The following LTA4H variants were observed in gnomAD, a reference collection of about 807,000 sequenced individuals.
LTA4H encodes the protein leukotriene A4 hydrolase, also known as leukotriene A-4 hydrolase.
Under a neutral mutation model 89.8 loss-of-function variants are expected in LTA4H, and 59 were observed. The ratio of observed to expected loss-of-function variants is 0.66; its 90% CI spans 0.53 to 0.82. LTA4H has a LOEUF of 0.82. Among genes scored for constraint, LTA4H ranks in the 40% least tolerant of loss-of-function variants. The probability of loss-of-function intolerance (pLI) is 0.00; values close to 1 mark genes in which losing one functional copy is unlikely to be tolerated. For synonymous variants in LTA4H, 227 were observed against 253.1 expected (o/e 0.90, Z 0.98); for missense variants, 617 against 727.0 (o/e 0.85, Z 1.74).
At chr12:96,007,926 G>T (rs2136866756) in intron 15 of LTA4H, among the ~76,000 whole-genome samples, 1 of 152,292 alleles carries the variant, frequency 6.6e-6, no homozygotes, top group East Asian at 1.9e-4. Flanking sequence ...TGATTGCACA[G>T]CTGGAGGCCA....
In LTA4H at chr12:96,003,016, C is replaced by T. The variant is rs747363093; in HGVS notation, c.1662G>A (p.Leu554=). 6.2e-7 allele frequency: 1 copy of T among 1,605,992 alleles called. No homozygotes were observed. The highest frequency in any genetic ancestry group is 8.5e-7 in the Non-Finnish European group (1 of 1,175,816). Residue 554 remains leucine, a synonymous_variant, in exon 18 of 19, where the codon TTG becomes TTA. Transcript: ENST00000228740. ...CTTGTTCAGTTGCCATCTTTAGCGC[C>T]AAAGGAATTGCGTCCTCCCACTTGG... ...IQSKWEDAIP[L]ALKMATEQGR...
At chr12:96,015,784 G>A (rs1255707852) in intron 10 of LTA4H, 90 bp from the exon 11 acceptor site, 1 of 879,864 alleles carries the variant, frequency 1.1e-6, no homozygotes, top group African/African-American at 1.7e-5. Flanking sequence ...CTTTTCTACA[G>A]AGGAAAGCAG....
rs745316925 is a variant in LTA4H, at chr12:96,018,851, C to A, written c.764G>T (p.Gly255Val). 1.9e-6 allele frequency: 3 copies of A among 1,603,746 alleles called. No homozygotes were observed. Among genetic ancestry groups the A allele is most frequent in the Non-Finnish European group, 2.5e-6 (3 of 1,176,964 alleles). ...AEDLGGPYVWGQYDLLVLPPS... is the reference protein window; with the variant it reads ...AEDLGGPYVWVQYDLLVLPPS... ...TGGCAGGACCAATAGGTCATACTGT[C>A]CCCATACATACGGTCCTCCCAGATC... The change falls in exon 8 of 19, where the codon GGA becomes GTA. Residue 255 changes from glycine to valine, a missense_variant. By Grantham distance (109) the Gly-to-Val change is moderately radical (BLOSUM62 -3). Transcript: ENST00000228740.
intron 1 of LTA4H, among the ~76,000 whole-genome samples, chr12:96,034,752 G>C (rs371802357): frequency 1.1e-4 from 16 of 152,364 alleles, no homozygotes; most frequent in African/African-American, 3.1e-4. Context: ...GGGAGATCCA[G>C]GGAACTAGGA....
Position 96,035,503 on chromosome 12 carries a change from T to G in LTA4H, c.17A>C (p.Asp6Ala). 6.2e-7 allele frequency: 1 copy of G among 1,606,890 alleles called. No individual in the cohort carries two copies. The highest frequency in any genetic ancestry group is 8.5e-7 in the Non-Finnish European group (1 of 1,176,708). MPEIV[D>A]TCSLASPASV... is the part of the protein sequence containing the mutation. ...AGCCGGAGAGGCCAACGAACAGGTA[T>G]CCACTATCTCGGGCATGGCTCTGGG... The change falls in exon 1 of 19, where the codon GAT becomes GCT. Residue 6 changes from aspartate to alanine, a missense_variant. Asp to Ala is a moderately radical substitution (Grantham distance 126). This residue lies in a region of LTA4H where 155 missense variants were observed against 143.3 expected (regional missense o/e 1.08). Transcript: ENST00000228740.
intron 15 of LTA4H, among the ~76,000 whole-genome samples, chr12:96,007,133 G>C (rs1000512392): frequency 1.3e-5 from 2 of 152,140 alleles, no homozygotes; most frequent in African/African-American, 2.4e-5. Context: ...CTACTCCTCA[G>C]TAACTAATAT....
intron 7 of LTA4H, 53 bp from the exon 8 acceptor site, chr12:96,018,956 T>C: frequency 6.9e-7 from 1 of 1,447,292 alleles, no homozygotes; most frequent in Non-Finnish European, 9.3e-7. Context: ...CCATTGTACA[T>C]TTCTTAAAAT....
At chr12:96,035,685 TG>T (rs2136924913), upstream of LTA4H, 1 of 1,416,360 alleles carries the variant, frequency 7.1e-7, no homozygotes, top group East Asian at 2.6e-5. Flanking sequence ...CGTTGGGGGA[TG>T]GGTGAAGGAA....
At chr12:96,043,331 C>T (rs764006624) in exon 1 of LTA4H, 2 of 1,535,460 alleles carry the variant, frequency 1.3e-6, no homozygotes, top group South Asian at 2.4e-5. Context: ...CTGGGATATG[C>T]ATGGTCGGTA....
At chr12:96,031,713 C>T (rs11108381) in intron 1 of LTA4H, among the ~76,000 whole-genome samples, 9,476 of 152,206 alleles carry the variant, frequency 0.062, 364 homozygotes, top group Middle Eastern at 0.12. Flanking sequence ...CTGTGGCCCA[C>T]TTCTTTTAAA....
At chr12:96,023,049 G>A (rs1462357799) in intron 4 of LTA4H, among the ~76,000 whole-genome samples, 2 of 152,318 alleles carry the variant, frequency 1.3e-5, no homozygotes, top group East Asian at 3.9e-4. Context: ...ATTTAACTGT[G>A]TATCCTAGCT....
chr12:96,030,839 C>T (rs914977681), intron 1 of LTA4H, among the ~76,000 whole-genome samples: 15 of 152,080 alleles, frequency 9.9e-5, no homozygotes, highest in East Asian at 1.9e-4. Flanking sequence ...GTAGAAGATA[C>T]GGTTTATATC....
chr12:96,021,082 C>CA lies in LTA4H; in HGVS notation c.638+2dup. 1 of 1,599,696 alleles carries CA rather than the reference C, an allele frequency of 6.3e-7. No homozygotes were observed. Among genetic ancestry groups the CA allele is most frequent in the South Asian group, 1.1e-5 (1 of 88,204 alleles). On this transcript the variant is annotated splice_region_variant and intron_variant, in intron 6 of 18. Coordinates refer to ENST00000228740, the MANE Select transcript of LTA4H (RefSeq NM_000895.3). Reference sequence around the variant, plus strand: ...AAACCTGAAAATTTTTCCAAAAGCTCACCTGCTTTCTAAAGCTCCAACAAC... The same window carrying CA: ...AAACCTGAAAATTTTTCCAAAAGCTCAACCTGCTTTCTAAAGCTCCAACAAC...
At chr12:96,040,077 G>A (rs140141296), upstream of LTA4H, among the ~76,000 whole-genome samples, 1 of 152,330 alleles carries the variant, frequency 6.6e-6, no homozygotes, top group Non-Finnish European at 1.5e-5. Flanking sequence ...GATTAACATA[G>A]CATTTGAGAT....
intron 3 of LTA4H, among the ~76,000 whole-genome samples, chr12:96,027,004 C>A (rs1223172030): frequency 6.6e-6 from 1 of 152,188 alleles, no homozygotes; most frequent in Admixed American, 6.5e-5. Context: ...GGAAAAGCTA[C>A]ATTCCAAACT....
chr12:96,017,247 G>T, intron 9 of LTA4H, 133 bp from the exon 10 acceptor site: 1 of 677,568 alleles, frequency 1.5e-6, no homozygotes, highest in South Asian at 2.0e-5. Context: ...ACTCAGTTCA[G>T]CAAAATCTTT....
Position 96,022,360 on chromosome 12 carries a change from G to A in LTA4H, c.481-109C>T. The A allele has an allele frequency of 3.0e-6, 2 of 674,354 alleles. No individual in the cohort carries two copies. Among genetic ancestry groups the A allele is most frequent in the Non-Finnish European group, 5.1e-6 (2 of 394,982 alleles). 41.8% of individuals were successfully genotyped at this position (674,354 alleles called of 1,614,324 possible). On this transcript the variant is annotated intron_variant, in intron 4 of 18. Coordinates refer to ENST00000228740, the MANE Select transcript of LTA4H (RefSeq NM_000895.3). The surrounding 1 kb of genome is among the most constrained non-coding windows in gnomAD (Gnocchi z 4.0). ...CCCATTCTTGACTATCTAATAAACA[G>A]ACTATGAACACAAAAAGTATATACA...
chr12:96,035,527 G>C lies in LTA4H; in HGVS notation c.-8C>G. ...ATCCACTATCTCGGGCATGGCTCTG[G>C]GGGATCACACAGCACAGCGACCTAC... On this transcript the variant is annotated 5_prime_UTR_variant, in exon 1 of 19. Transcript: ENST00000228740. 1 of 1,600,210 alleles carries C rather than the reference G, an allele frequency of 6.2e-7. No homozygotes were observed. Among genetic ancestry groups the C allele is most frequent in the Non-Finnish European group, 8.5e-7 (1 of 1,173,112 alleles).
rs568560658 is a variant in LTA4H, at chr12:96,022,780, C to G, written c.481-529G>C. Among the ~76,000 whole-genome samples, 1 of 152,272 alleles carries G rather than the reference C, an allele frequency of 6.6e-6. No individual in the cohort carries two copies. Among genetic ancestry groups the G allele is most frequent in the East Asian group, 1.9e-4 (1 of 5,178 alleles). On this transcript the variant is annotated intron_variant, in intron 4 of 18. Transcript: ENST00000228740. The surrounding 1 kb of genome is among the most constrained non-coding windows in gnomAD (Gnocchi z 4.0). ...TAAATAATATAAGTGAAGAGCCCAG[C>G]ACCATCCCTGGCAATGGCAGCCACC...
Sources: gnomAD v4.1 joint callset for allele counts (sites outside exome capture counted in the v4.1 genomes callset) on GRCh38, gnomAD v4.1.1 for gene constraint, gnomAD v4.1.1 regional missense constraint, Gnocchi (gnomAD v3.1) non-coding constraint, MANE v1.5 for transcripts, NCBI Gene and HGNC (gene_info 2026-07-23, HGNC 2026-07-21) for gene names.